PHF3: variants seen among roughly 807,000 people sequenced by gnomAD.
PHF3 encodes the protein PHD finger protein 3.
PHF3 carries 41 observed loss-of-function variants against 178.4 expected under a neutral mutation model. That is an observed-to-expected ratio of 0.23 (90% CI 0.18 to 0.30). The LOEUF (loss-of-function observed/expected upper bound fraction) is 0.30, where lower values mean the gene tolerates loss of function less well. Among genes scored for constraint, PHF3 ranks in the 10% least tolerant of loss-of-function variants. The probability of loss-of-function intolerance (pLI) is 1.00; values close to 1 mark genes in which losing one functional copy is unlikely to be tolerated. For synonymous variants in PHF3, 842 were observed against 800.5 expected, an observed-to-expected ratio of 1.05 and a Z score of -0.88; for missense variants, 2,346 against 2,398.1, an observed-to-expected ratio of 0.98 and a Z score of 0.45.
At chr6:63,637,075 A>G (rs995472474) in intron 1 of PHF3, among the ~76,000 whole-genome samples, 4 of 152,206 alleles carry the variant, frequency 2.6e-5, no homozygotes, top group Non-Finnish European at 1.5e-5. Flanking sequence ...GATTAATGTT[A>G]AGTGGCAACA....
rs1224296242 is a variant in PHF3 at position 63,723,107 on chromosome 6, A to G, written c.*9399A>G. Among the ~76,000 whole-genome samples the G allele has an allele frequency of 1.3e-5, 2 of 152,240 alleles. No homozygotes were observed. The highest frequency in any genetic ancestry group is 2.9e-5 in the Non-Finnish European group (2 of 68,038). ...AATACGTTTGTAGGGTTGTGGGTTG[A>G]GATGACTCAGAATATTTCTCAAATA... On this transcript the variant is annotated 3_prime_UTR_variant, in exon 16 of 16. Coordinates refer to ENST00000262043, the MANE Select transcript of PHF3 (RefSeq NM_001370348.2).
rs1768515181 is a variant in PHF3 at position 63,723,980 on chromosome 6, G to A, written c.*10272G>A. On this transcript the variant is annotated 3_prime_UTR_variant, in exon 16 of 16. Transcript: ENST00000262043. Reference sequence around the variant, plus strand: ...TGGCCATCACGGCCGGCTAATTTTTGTATTTTGGGTAGAGCGAGGTTTTAC... The same window carrying A: ...TGGCCATCACGGCCGGCTAATTTTTATATTTTGGGTAGAGCGAGGTTTTAC... 6.6e-6 allele frequency among the ~76,000 whole-genome samples: 1 copy of A among 151,964 alleles called. No homozygotes were observed. The highest frequency in any genetic ancestry group is 1.5e-5 in the Non-Finnish European group (1 of 67,964).
intron 4 of PHF3, among the ~76,000 whole-genome samples, chr6:63,688,847 G>A (rs1267667215): frequency 6.6e-6 from 1 of 152,184 alleles, no homozygotes; most frequent in Non-Finnish European, 1.5e-5. Flanking sequence ...TCATGCACTA[G>A]ATACATTGAA....
chr6:63,689,989 AGTTAGCCCATT>A (rs1766925437), intron 4 of PHF3, among the ~76,000 whole-genome samples: 1 of 152,166 alleles, frequency 6.6e-6, no homozygotes, highest in Non-Finnish European at 1.5e-5. Context: ...AAGAAATAGC[AGTTAGCCCATT>A]GTTAGGAAAG....
intron 2 of PHF3, among the ~76,000 whole-genome samples, chr6:63,649,868 T>C (rs1253138072): frequency 1.3e-5 from 2 of 152,222 alleles, no homozygotes; most frequent in Non-Finnish European, 2.9e-5. Context: ...AGGTTTGAGA[T>C]AGTGAATATA....
chr6:63,666,651 C>T (rs574372872), intron 2 of PHF3, among the ~76,000 whole-genome samples: 1 of 151,146 alleles, frequency 6.6e-6, no homozygotes, highest in African/African-American at 2.4e-5. Context: ...ATACCTAATA[C>T]AATGTAAGTG....
At chr6:63,702,789 T>C in intron 10 of PHF3, 150 bp downstream of exon 10, 1 of 690,450 alleles carries the variant, frequency 1.4e-6, no homozygotes. Context: ...GTTTTTTGAG[T>C]GTTGAGTAAT....
Position 63,700,358 on chromosome 6 carries a change from T to A in PHF3, c.2991T>A (p.Phe997Leu). 1 of 1,523,378 alleles carries A rather than the reference T, an allele frequency of 6.6e-7. No individual in the cohort carries two copies. The highest frequency in any genetic ancestry group is 9.0e-7 in the Non-Finnish European group (1 of 1,108,004). 94.4% of individuals were successfully genotyped at this position (1,523,378 alleles called of 1,614,324 possible). ...NLKDPKNNIL[F>L]KKVLKGEVTP... ...TTTTAAAATCCTTCCAGATATTATT[T>A]AAAAAAGTACTGAAAGGAGAAGTAA... Residue 997 changes from phenylalanine to leucine, a missense_variant, in exon 9 of 16, where the codon TTT (phenylalanine) becomes TTA (leucine). By Grantham distance (22) the Phe-to-Leu change is conservative (BLOSUM62 0). This residue lies in a region of PHF3 where 45 missense variants were observed against 87.9 expected (regional missense o/e 0.51). Transcript: ENST00000262043.
rs774322145 is a variant in PHF3 at position 63,680,054 on chromosome 6, A to G, written c.299A>G (p.Asp100Gly). The G allele has an allele frequency of 1.2e-6, 2 of 1,612,780 alleles. No individual in the cohort carries two copies. The highest frequency in any genetic ancestry group is 1.7e-6 in the Non-Finnish European group (2 of 1,179,044). ...DEGVVKESGN[D>G]TIDEEELILP... The stretch of plus-strand genomic sequence containing the variant: ...GGAGTTGTTAAAGAAAGTGGCAATG[A>G]TACCATTGATGAAGAAGAACTGATT... Residue 100 changes from aspartate to glycine, a missense_variant, in exon 3 of 16, where the codon GAT (aspartate) becomes GGT (glycine). This residue lies in a region of PHF3 where 843 missense variants were observed against 795.2 expected (regional missense o/e 1.06). Coordinates refer to ENST00000262043, the MANE Select transcript of PHF3 (RefSeq NM_001370348.2).
rs1484139794 is a variant in PHF3 at position 63,724,302 on chromosome 6, A to C, written c.*10594A>C. ...ATCCCACCGTGCTTTATTATAGATA[A>C]GAGAAACCTTGTAGGACCTAATATT... On this transcript the variant is annotated 3_prime_UTR_variant, in exon 16 of 16. Coordinates refer to ENST00000262043, the MANE Select transcript of PHF3 (RefSeq NM_001370348.2). Among the ~76,000 whole-genome samples, 1 of 152,218 alleles carries C rather than the reference A, an allele frequency of 6.6e-6. No homozygotes were observed. The highest frequency in any genetic ancestry group is 1.5e-5 in the Non-Finnish European group (1 of 68,036).
intron 2 of PHF3, among the ~76,000 whole-genome samples, chr6:63,654,094 T>G (rs565645527): frequency 1.3e-5 from 2 of 152,290 alleles, no homozygotes; most frequent in East Asian, 3.9e-4. Flanking sequence ...TTTTGTTGTG[T>G]TTTTGTCTGG....
Position 63,725,132 on chromosome 6 carries a change from A to G in PHF3, c.*11424A>G, listed in dbSNP as rs909411239. Among the ~76,000 whole-genome samples the G allele has an allele frequency of 1.1e-4, 16 of 152,196 alleles. No individual in the cohort carries two copies. Among genetic ancestry groups the G allele is most frequent in the Middle Eastern group, 3.4e-3 (1 of 294 alleles). ...TTTTTAATATTTAAAAATTTTCATG[A>G]TTTTCTTATATAAGTGTCAAATGCA... On this transcript the variant is annotated 3_prime_UTR_variant, in exon 16 of 16. Transcript: ENST00000262043.
chr6:63,670,308 G>T (rs1456412055), intron 2 of PHF3, among the ~76,000 whole-genome samples: 3 of 151,878 alleles, frequency 2.0e-5, no homozygotes, highest in Admixed American at 6.6e-5. Context: ...CGCTCTTAAC[G>T]CCCAGGCTGG....
At position 63,724,870 on chromosome 6, in the gene PHF3, A is replaced by C. The variant is rs189727781; in HGVS notation, c.*11162A>C. Among the ~76,000 whole-genome samples, 20 of 152,110 alleles carry C rather than the reference A, an allele frequency of 1.3e-4. No individual in the cohort carries two copies. Among genetic ancestry groups the C allele is most frequent in the African/African-American group, 4.8e-4 (20 of 41,546 alleles). Reference sequence around the variant, plus strand: ...TTTGTGTATTGTTTGGTTAGTTTTTACTAATAGGTCCTCTTAGCAGAGGAT... The same window carrying C: ...TTTGTGTATTGTTTGGTTAGTTTTTCCTAATAGGTCCTCTTAGCAGAGGAT... On this transcript the variant is annotated 3_prime_UTR_variant, in exon 16 of 16. Transcript: ENST00000262043.
intron 9 of PHF3, among the ~76,000 whole-genome samples, chr6:63,701,153 C>G (rs146400726): frequency 0.025 from 3,856 of 152,236 alleles, 57 homozygotes; most frequent in South Asian, 0.036. Flanking sequence ...ACAGGCTTAT[C>G]TCTTATCCAA....
Position 63,706,099 on chromosome 6 carries a change from A to G in PHF3, c.3438A>G (p.Lys1146=). ...AAGTTGTTGTAGGAGTAGCTCGCAA[A>G]CATTCAGACAATGAAGCAGAAAGTA... is the stretch of plus-strand genomic sequence containing the variant. The part of the protein sequence containing the change: ...KVKVVVGVAR[K]HSDNEAESIA... The change falls in exon 12 of 16, where the codon AAA becomes AAG. Residue 1146 remains lysine, a synonymous_variant. Coordinates refer to ENST00000262043, the MANE Select transcript of PHF3 (RefSeq NM_001370348.2). 1 of 1,614,006 alleles carries G rather than the reference A, an allele frequency of 6.2e-7. No individual in the cohort carries two copies. Among genetic ancestry groups the G allele is most frequent in the Middle Eastern group, 1.6e-4 (1 of 6,062 alleles).
chr6:63,680,933 C>T (rs1197635056), intron 3 of PHF3, among the ~76,000 whole-genome samples: 3 of 152,024 alleles, frequency 2.0e-5, no homozygotes, highest in Admixed American at 1.3e-4. Context: ...GTTGTAGTTC[C>T]TATTTCCTCT....
chr6:63,725,977 A>G lies in PHF3; in HGVS notation c.*12269A>G, dbSNP rs941907160. Among the ~76,000 whole-genome samples the G allele has an allele frequency of 2.0e-5, 3 of 152,170 alleles. No homozygotes were observed. Among genetic ancestry groups the G allele is most frequent in the Admixed American group, 6.5e-5 (1 of 15,270 alleles). On this transcript the variant is annotated 3_prime_UTR_variant, in exon 16 of 16. Transcript: ENST00000262043. ...GAATGAAAATGGATATCAAGGGTAAAGTAAAACCTAAAAAATTAAATTTTA... is the reference window on the plus strand; with the variant it reads ...GAATGAAAATGGATATCAAGGGTAAGGTAAAACCTAAAAAATTAAATTTTA...
At chr6:63,705,882 A>G in intron 11 of PHF3, 147 bp from the exon 12 acceptor site, 2 of 611,736 alleles carry the variant, frequency 3.3e-6, no homozygotes, top group Non-Finnish European at 5.6e-6. Flanking sequence ...ATACAACTAA[A>G]TGATGACAGT....
Sources: gnomAD v4.1 joint callset for allele counts (sites outside exome capture counted in the v4.1 genomes callset) on GRCh38, gnomAD v4.1.1 for gene constraint, gnomAD v4.1.1 regional missense constraint, MANE v1.5 for transcripts, NCBI Gene and HGNC (gene_info 2026-07-23, HGNC 2026-07-21) for gene names.